The following PKHD1L1 variants were observed in gnomAD, a reference collection of about 807,000 sequenced individuals.
The protein encoded by PKHD1L1 is fibrocystin-L.
A neutral mutation model predicts 462.9 loss-of-function variants in PKHD1L1; 434 were observed. The observed-to-expected ratio is 0.94, with a 90% confidence interval of 0.87 to 1.02. The LOEUF (loss-of-function observed/expected upper bound fraction) is 1.02. PKHD1L1 is among the 50% of genes least tolerant of loss of function. The probability of loss-of-function intolerance (pLI) is 0.00; values close to 1 mark genes in which losing one functional copy is unlikely to be tolerated. For missense variants in PKHD1L1, 5,202 were observed against 5,096.1 expected, an observed-to-expected ratio of 1.02 and a Z score of -0.63; for synonymous variants, 1,781 against 1,750.0, an observed-to-expected ratio of 1.02 and a Z score of -0.44.
intron 76 of PKHD1L1, among the ~76,000 whole-genome samples, chr8:109,525,229 G>A (rs1290555247): frequency 1.3e-5 from 2 of 152,156 alleles, no homozygotes; most frequent in African/African-American, 2.4e-5. Flanking sequence ...TTGGGTAGAG[G>A]AGATACAGGT....
chr8:109,491,192 C>A, intron 61 of PKHD1L1, 91 bp downstream of exon 61: 2 of 1,284,988 alleles, frequency 1.6e-6, no homozygotes, highest in South Asian at 3.6e-5. Flanking sequence ...ATTGATCTTT[C>A]TGTGAGGATG....
chr8:109,479,897 C>A, intron 54 of PKHD1L1, 94 bp from the exon 55 acceptor site: 2 of 1,234,562 alleles, frequency 1.6e-6, no homozygotes, highest in Non-Finnish European at 2.2e-6. Context: ...GTCATAAACA[C>A]TCAAAACTAG....
intron 45 of PKHD1L1, among the ~76,000 whole-genome samples, chr8:109,455,094 T>C (rs956997279): frequency 6.6e-6 from 1 of 152,162 alleles, no homozygotes; most frequent in Admixed American, 6.5e-5. Flanking sequence ...TCCCAGCACC[T>C]GGGGAAGCCA....
rs779047907 is a variant in PKHD1L1 at position 109,491,971 on chromosome 8, A to T, written c.10213A>T (p.Thr3405Ser). 6.4e-7 allele frequency: 1 copy of T among 1,568,132 alleles called. No homozygotes were observed. Residue 3405 changes from threonine to serine, a missense_variant, in exon 62 of 78, where the codon ACT becomes TCT. Physicochemically the swap from Thr to Ser is moderately conservative, Grantham distance 58 (BLOSUM62 1). Coordinates refer to ENST00000378402, the MANE Select transcript of PKHD1L1 (RefSeq NM_177531.6). ...TCAGAACAGAAAAGATTTAAGTTCA[A>T]CTCTCTGGCATGCAGCAATTGAGGT... Reference protein sequence around the residue: ...TYQNRKDLSSTLWHAAIEINR... With the variant: ...TYQNRKDLSSSLWHAAIEINR...
intron 72 of PKHD1L1, 113 bp downstream of exon 72, chr8:109,515,418 A>G: frequency 1.1e-6 from 1 of 935,030 alleles, no homozygotes; most frequent in Non-Finnish European, 1.4e-6. Context: ...GGAGAAGAAA[A>G]CAAGTTTTTA....
rs1410921001 is a variant in PKHD1L1 at position 109,425,181 on chromosome 8, C to T, written c.2794C>T (p.Pro932Ser). Residue 932 changes from proline (P) to serine (S), a missense_variant, in exon 24 of 78, where the codon CCA (proline) becomes TCA (serine). By Grantham distance (74) the Pro-to-Ser change is moderately conservative. Coordinates refer to ENST00000378402, the MANE Select transcript of PKHD1L1 (RefSeq NM_177531.6). Reference protein sequence around the residue: ...IHIQRIQAASPPLSGSFDIQA... With the variant: ...IHIQRIQAASSPLSGSFDIQA... ...TATTCAAAGAATTCAAGCTGCATCT[C>T]CACCTCTAAGTGGCAGCTTTGACAT... 3.1e-6 allele frequency: 5 copies of T among 1,609,512 alleles called. No homozygotes were observed. Among genetic ancestry groups the T allele is most frequent in the Non-Finnish European group, 4.2e-6 (5 of 1,178,268 alleles).
In PKHD1L1 at chr8:109,479,585, C is replaced by T. The variant is rs573014201; in HGVS notation, c.9124C>T (p.Arg3042Ter). ...WSNDSFWQSS[R>*]ENNYTVPHPG... ...AAATGATTCTTTTTGGCAATCATCA[C>T]GAGAAAATAATTATACTGTACCTCA... The change falls in exon 54 of 78, where the codon CGA becomes TGA. Residue 3042 changes from arginine (R) to a stop codon, truncating the protein, a stop_gained. Coordinates refer to ENST00000378402, the MANE Select transcript of PKHD1L1 (RefSeq NM_177531.6). LOFTEE classifies it high-confidence loss of function. 59 of 1,535,804 alleles carry T rather than the reference C, an allele frequency of 3.8e-5. No homozygotes were observed. Among genetic ancestry groups the T allele is most frequent in the Middle Eastern group, 1.7e-4 (1 of 5,926 alleles).
intron 60 of PKHD1L1, among the ~76,000 whole-genome samples, chr8:109,490,644 T>C (rs1453166994): frequency 6.6e-6 from 1 of 151,766 alleles, no homozygotes; most frequent in East Asian, 1.9e-4. Context: ...TCATAAACTA[T>C]TCTGAAAAAA....
chr8:109,412,373 AG>A lies in PKHD1L1; in HGVS notation c.2195del (p.Arg732AsnfsTer17). On this transcript the variant is annotated frameshift_variant, in exon 20 of 78. Transcript: ENST00000378402. LOFTEE classifies it high-confidence loss of function. Reference protein sequence around the residue: ...LFDSADVKPNRRPYGDILLFP... With the variant: ...LFDSADVKPNXRPYGDILLFP... The stretch of plus-strand genomic sequence containing the variant: ...TGACTCAGCAGATGTTAAACCAAAC[AG>A]ACGACCATATGGAGATATTTTATTG... The A allele has an allele frequency of 6.2e-7, 1 of 1,613,648 alleles. No individual in the cohort carries two copies. Among genetic ancestry groups the A allele is most frequent in the Non-Finnish European group, 8.5e-7 (1 of 1,179,634 alleles).
At chr8:109,429,230 A>T in intron 25 of PKHD1L1, 110 bp from the exon 26 acceptor site, 1 of 971,006 alleles carries the variant, frequency 1.0e-6, no homozygotes, top group Non-Finnish European at 1.5e-6. Flanking sequence ...ATTTTATTTT[A>T]CATTCTTTGA....
intron 55 of PKHD1L1, 51 bp from the exon 56 acceptor site, chr8:109,481,382 T>A: frequency 6.7e-7 from 1 of 1,496,160 alleles, no homozygotes; most frequent in Non-Finnish European, 8.9e-7. Flanking sequence ...ATGGGTGGAT[T>A]TTTTTTCCTG....
Position 109,490,919 on chromosome 8 carries a change from A to G in PKHD1L1, c.9985-53A>G. 7 of 1,424,794 alleles carry G rather than the reference A, an allele frequency of 4.9e-6. No individual in the cohort carries two copies. In the South Asian group the frequency reaches 8.7e-5, roughly 18 times the overall value. 88.3% of individuals were successfully genotyped at this position (1,424,794 alleles called of 1,614,324 possible). On this transcript the variant is annotated intron_variant, in intron 60 of 77. Transcript: ENST00000378402. Reference sequence around the variant, plus strand: ...AAAATCATTTACTTCAATTTTTAAAAATATATTGTAATTTTATTTTAAAAA... The same window carrying G: ...AAAATCATTTACTTCAATTTTTAAAGATATATTGTAATTTTATTTTAAAAA...
chr8:109,412,633 T>A (rs765544109), intron 20 of PKHD1L1, among the ~76,000 whole-genome samples: 19 of 151,978 alleles, frequency 1.3e-4, no homozygotes, highest in Non-Finnish European at 2.4e-4. Flanking sequence ...GCACCATATA[T>A]CATGTATTAT....
intron 2 of PKHD1L1, among the ~76,000 whole-genome samples, chr8:109,365,093 C>G (rs1247421733): frequency 6.6e-6 from 1 of 152,140 alleles, no homozygotes; most frequent in African/African-American, 2.4e-5. Flanking sequence ...GCCACCCAAC[C>G]TCAGGCTTCA....
At chr8:109,453,189 G>A (rs1006302401) in intron 43 of PKHD1L1, among the ~76,000 whole-genome samples, 9 of 152,086 alleles carry the variant, frequency 5.9e-5, no homozygotes, top group Admixed American at 2.0e-4. Flanking sequence ...GGGGAGGTGT[G>A]AGCATGCCCG....
Position 109,443,797 on chromosome 8 carries a change from T to A in PKHD1L1, c.4686T>A (p.Ser1562Arg), listed in dbSNP as rs2130751510. 6.2e-7 allele frequency: 1 copy of A among 1,613,870 alleles called. No homozygotes were observed. The highest frequency in any genetic ancestry group is 1.1e-5 in the South Asian group (1 of 91,076). Residue 1562 changes from serine (S) to arginine (R), a missense_variant, in exon 37 of 78, where the codon AGT (serine) becomes AGA (arginine). Ser to Arg is a moderately radical substitution (Grantham distance 110). Around this residue, in one of 3 missense-constraint regions of PKHD1L1, gnomAD observed 4,497 missense variants for 4,336.8 expected, o/e 1.04. Coordinates refer to ENST00000378402, the MANE Select transcript of PKHD1L1 (RefSeq NM_177531.6). ...NSKRLLFEVS[S>R]CFSPSISNIT... ...AAAGATTGCTATTTGAGGTTTCAAG[T>A]TGTTTTTCACCATCTATAAGCAACA...
chr8:109,466,921 G>A (rs372318932), intron 50 of PKHD1L1, among the ~76,000 whole-genome samples, 152 bp downstream of exon 50: 4 of 151,966 alleles, frequency 2.6e-5, no homozygotes, highest in Non-Finnish European at 2.9e-5. Flanking sequence ...TAATACTCTC[G>A]AAGTAGGTGT....
In PKHD1L1 at chr8:109,479,431, C is replaced by T. The variant is rs1042660521; in HGVS notation, c.9090-120C>T. 9.8e-6 allele frequency: 6 copies of T among 612,992 alleles called. 1 individual carries two copies. Among genetic ancestry groups the T allele is most frequent in the Middle Eastern group, 4.3e-4 (1 of 2,320 alleles). The allele number at this position is 612,992 out of a possible 1,614,324, so 38.0% of individuals were successfully genotyped here. On this transcript the variant is annotated intron_variant, in intron 53 of 77. Transcript: ENST00000378402. ...AGGGTCTTTAAAAGGACAAAGCGTG[C>T]ATTTTTTTTCTTCTCTACCATGTAA...
rs1818805139 is a variant in PKHD1L1, at chr8:109,491,154, T to G, written c.10114+53T>G. The G allele has an allele frequency of 1.4e-5, 22 of 1,530,262 alleles. 1 individual carries two copies. The South Asian group carries it at 2.3e-4, about 16-fold the overall frequency. The allele number at this position is 1,530,262 out of a possible 1,614,324, so 94.8% of individuals were successfully genotyped here. ...TACACATCCTGTGGAGGCTTTCTTA[T>G]CTATATACTCTAGAGCTACACTGCC... On this transcript the variant is annotated intron_variant, in intron 61 of 77. Coordinates refer to ENST00000378402, the MANE Select transcript of PKHD1L1 (RefSeq NM_177531.6).
Sources: allele counts gnomAD v4.1 joint callset (sites outside exome capture counted in the v4.1 genomes callset), GRCh38; gene constraint gnomAD v4.1.1; regional missense constraint gnomAD v4.1.1; transcripts MANE v1.5; gene names NCBI Gene and HGNC (gene_info 2026-07-23, HGNC 2026-07-21).